Variants in SMAD2 observed in about 807,000 individuals in gnomAD.
SMAD2 encodes MAD homolog 2.
SMAD2 carries 8 observed loss-of-function variants against 64.4 expected under a neutral mutation model. The observed-to-expected ratio is 0.12, with a 90% CI of 0.07 to 0.22. The LOEUF is 0.22. Ranked by LOEUF, SMAD2 falls within the 10% of genes least tolerant of loss-of-function variation. The pLI is 1.00. For missense variants in SMAD2, 289 were observed against 561.2 expected (o/e 0.51, Z 4.90); for synonymous variants, 203 against 195.8 (o/e 1.04, Z -0.31).
intron 2 of SMAD2, among the ~76,000 whole-genome samples, chr18:47,871,534 C>T (rs149230590): frequency 6.6e-6 from 1 of 152,332 alleles, no homozygotes; most frequent in East Asian, 1.9e-4. Context: ...TTTAGTACTA[C>T]AGGTGCTGTC....
At position 47,833,914 on chromosome 18, in the gene SMAD2, C is replaced by T. The variant is rs541672095; in HGVS notation, c.*7913G>A. On this transcript the variant is annotated 3_prime_UTR_variant, in exon 11 of 11. Coordinates refer to ENST00000262160, the MANE Select transcript of SMAD2 (RefSeq NM_005901.6). ...CAGATTAAGTTTAACCCCATAAGGA[C>T]GCATGATTTGTACTTACATATACAC... 11 of 225,520 alleles carry T rather than the reference C, an allele frequency of 4.9e-5. No individual in the cohort carries two copies. The highest frequency in any genetic ancestry group is 1.9e-4 in the East Asian group (3 of 15,834). 14.0% of individuals were successfully genotyped at this position (225,520 alleles called of 1,614,324 possible). A position where few individuals can be genotyped will look rare whatever the true frequency, so the allele number is the denominator to read the frequency against.
In SMAD2 at chr18:47,819,306, A is replaced by G. The variant is rs949179451; in HGVS notation, c.*22521T>C. ...AACTTAAAAACAGAATGATCTTTGT[A>G]TAACTGTAAGTTGAACTAATTTTGT... On this transcript the variant is annotated 3_prime_UTR_variant, in exon 11 of 11. Transcript: ENST00000262160. The G allele has an allele frequency of 3.3e-5, 5 of 152,260 alleles. No individual in the cohort carries two copies. In the East Asian group the frequency reaches 7.7e-4, roughly 23 times the overall value. The allele number at this position is 152,260 out of a possible 1,614,324, so 9.4% of individuals were successfully genotyped here.
In SMAD2 at chr18:47,813,389, C is replaced by T. The variant is rs1912262554; in HGVS notation, c.*28438G>A. On this transcript the variant is annotated 3_prime_UTR_variant, in exon 11 of 11. Coordinates refer to ENST00000262160, the MANE Select transcript of SMAD2 (RefSeq NM_005901.6). ...AGTAGCTGGGACTACAGGTGCCTGC[C>T]ACCATGCCCAGCTAATTTTTTTTTT... is the stretch of plus-strand genomic sequence containing the variant. The T allele has an allele frequency of 6.7e-6, 1 of 149,750 alleles. No individual in the cohort carries two copies. Among genetic ancestry groups the T allele is most frequent in the Non-Finnish European group, 1.5e-5 (1 of 67,864 alleles). The allele number at this position is 149,750 out of a possible 1,614,324, so 9.3% of individuals were successfully genotyped here.
chr18:47,916,716 T>C (rs2034351730), intron 1 of SMAD2, among the ~76,000 whole-genome samples: 1 of 152,234 alleles, frequency 6.6e-6, no homozygotes, highest in South Asian at 2.1e-4. Flanking sequence ...TAAACATGAC[T>C]AAGTTTTTAA....
chr18:47,917,260 C>G (rs967711209), intron 1 of SMAD2, among the ~76,000 whole-genome samples: 1 of 152,142 alleles, frequency 6.6e-6, no homozygotes, highest in African/African-American at 2.4e-5. Flanking sequence ...TTTTCTACTA[C>G]GATTATAGAT....
chr18:47,866,316 CAAAAAAAAAAAAAAA>C, intron 5 of SMAD2, among the ~76,000 whole-genome samples: 1 of 42,096 alleles, frequency 2.4e-5, no homozygotes, highest in East Asian at 8.1e-4. Flanking sequence ...AACACCGTCT[CAAAAAAAAAAAAAAA>C]AAAAAAAAAA....
rs1030832948 is a variant in SMAD2, at chr18:47,821,359, T to C, written c.*20468A>G. ...AACTTTTTTCCTCTGGTTCTAACTC[T>C]TGCTGTTATAACTTGATACTGAAAT... On this transcript the variant is annotated 3_prime_UTR_variant, in exon 11 of 11. Coordinates refer to ENST00000262160, the MANE Select transcript of SMAD2 (RefSeq NM_005901.6). 1 of 152,206 alleles carries C rather than the reference T, an allele frequency of 6.6e-6. No individual in the cohort carries two copies. The highest frequency in any genetic ancestry group is 1.5e-5 in the Non-Finnish European group (1 of 68,030). The allele number at this position is 152,206 out of a possible 1,614,324, so 9.4% of individuals were successfully genotyped here. A position where few individuals can be genotyped will look rare whatever the true frequency, so the allele number is the denominator to read the frequency against.
intron 7 of SMAD2, among the ~76,000 whole-genome samples, chr18:47,850,256 T>A (rs1463221642): frequency 1.2e-5 from 1 of 85,624 alleles, no homozygotes; most frequent in Non-Finnish European, 2.0e-5. Flanking sequence ...TTATATATAT[T>A]ATGTATAATA....
intron 1 of SMAD2, among the ~76,000 whole-genome samples, chr18:47,929,119 T>C (rs2034892916): frequency 6.6e-6 from 1 of 152,222 alleles, no homozygotes; most frequent in Non-Finnish European, 1.5e-5. Flanking sequence ...CAAACTATGG[T>C]ACATTTATGA....
At chr18:47,903,045 G>A (rs945379569) in intron 1 of SMAD2, among the ~76,000 whole-genome samples, 5 of 152,068 alleles carry the variant, frequency 3.3e-5, no homozygotes, top group African/African-American at 1.2e-4. Context: ...GAAAGCTGAG[G>A]GAGATCCCCT....
chr18:47,924,615 C>T (rs770725295), intron 1 of SMAD2, among the ~76,000 whole-genome samples: 46 of 152,180 alleles, frequency 3.0e-4, no homozygotes, highest in Non-Finnish European at 5.6e-4. Flanking sequence ...GTACCCGCCA[C>T]CACACCCAGC....
chr18:47,825,848 G>A lies in SMAD2; in HGVS notation c.*15979C>T, dbSNP rs557791994. The A allele has an allele frequency of 1.3e-5, 2 of 152,264 alleles. No individual in the cohort carries two copies. The highest frequency in any genetic ancestry group is 4.2e-4 in the South Asian group (2 of 4,816). The allele number at this position is 152,264 out of a possible 1,614,324, so 9.4% of individuals were successfully genotyped here. A position where few individuals can be genotyped will look rare whatever the true frequency, so the allele number is the denominator to read the frequency against. ...ACCAAATTACTGCTAAACCAGTATTGGGAAGCTTCCTAAAGCACTCCAAGC... is the reference window on the plus strand; with the variant it reads ...ACCAAATTACTGCTAAACCAGTATTAGGAAGCTTCCTAAAGCACTCCAAGC... On this transcript the variant is annotated 3_prime_UTR_variant, in exon 11 of 11. Transcript: ENST00000262160.
rs767395170 is a variant in SMAD2 at position 47,896,556 on chromosome 18, A to C, written c.201T>G (p.Thr67=). The change falls in exon 2 of 11, where the codon ACT becomes ACG. Residue 67 remains threonine, a synonymous_variant. Transcript: ENST00000262160. ...RLDELEKAIT[T]QNCNTKCVTI... Reference sequence around the variant, plus strand: ...TAACACATTTAGTATTACAGTTTTGAGTGGTGATGGCTTTCTCAAGCTCAT... The same window carrying C: ...TAACACATTTAGTATTACAGTTTTGCGTGGTGATGGCTTTCTCAAGCTCAT... 4.3e-6 allele frequency: 7 copies of C among 1,614,068 alleles called. No individual in the cohort carries two copies. In the South Asian group the frequency reaches 7.7e-5, roughly 18 times the overall value.
At position 47,838,522 on chromosome 18, in the gene SMAD2, G is replaced by C. The variant is rs1446738021; in HGVS notation, c.*3305C>G. ...TTTACTAACTGAATGTGTATTATAA[G>C]GTATAATCGGTATAACTGATATAGC... On this transcript the variant is annotated 3_prime_UTR_variant, in exon 11 of 11. Transcript: ENST00000262160. The C allele has an allele frequency of 4.3e-6, 1 of 232,912 alleles. No individual in the cohort carries two copies. 14.4% of individuals were successfully genotyped at this position (232,912 alleles called of 1,614,324 possible). A position where few individuals can be genotyped will look rare whatever the true frequency, so the allele number is the denominator to read the frequency against.
intron 8 of SMAD2, among the ~76,000 whole-genome samples, chr18:47,846,821 G>A (rs2144294156): frequency 6.6e-6 from 1 of 152,282 alleles, no homozygotes; most frequent in East Asian, 1.9e-4. Flanking sequence ...CAGAAACCGT[G>A]AGGTAAAAAA....
chr18:47,893,448 A>G (rs951226525), intron 2 of SMAD2, among the ~76,000 whole-genome samples: 1 of 152,214 alleles, frequency 6.6e-6, no homozygotes, highest in African/African-American at 2.4e-5. Flanking sequence ...CCCGTTCTTC[A>G]TCAGCTGAAC....
intron 1 of SMAD2, chr18:47,923,768 A>C (rs1194531268): frequency 6.6e-6 from 1 of 152,158 alleles, no homozygotes; most frequent in East Asian, 1.9e-4. Context: ...TTCTCTCTAA[A>C]GGCTTTCTAG....
At chr18:47,856,019 G>T (rs1684860391) in intron 6 of SMAD2, among the ~76,000 whole-genome samples, 2 of 151,998 alleles carry the variant, frequency 1.3e-5, no homozygotes, top group African/African-American at 4.8e-5. Context: ...ACACACAATT[G>T]AATGTTATCC....
In SMAD2 at chr18:47,823,193, G is replaced by A. The variant is rs1019056112; in HGVS notation, c.*18634C>T. 2.0e-5 allele frequency: 3 copies of A among 152,118 alleles called. No homozygotes were observed. Among genetic ancestry groups the A allele is most frequent in the African/African-American group, 7.2e-5 (3 of 41,416 alleles). The allele number at this position is 152,118 out of a possible 1,614,324, so 9.4% of individuals were successfully genotyped here. The stretch of plus-strand genomic sequence containing the variant: ...AAATTATCATTTCCTGGCAGGCCCA[G>A]GAACCTTAAAACTATAGGTAAAATC... On this transcript the variant is annotated 3_prime_UTR_variant, in exon 11 of 11. Coordinates refer to ENST00000262160, the MANE Select transcript of SMAD2 (RefSeq NM_005901.6).
Sources: allele counts gnomAD v4.1 joint callset (sites outside exome capture counted in the v4.1 genomes callset), GRCh38; gene constraint gnomAD v4.1.1; transcripts MANE v1.5; gene names NCBI Gene and HGNC (gene_info 2026-07-23, HGNC 2026-07-21).